AKAP13: variants seen among roughly 807,000 people sequenced by gnomAD.
AKAP13 encodes the protein A-kinase anchoring protein 13, also known as A-kinase anchor protein 13.
In AKAP13, 80 loss-of-function variants were observed where a neutral mutation model predicts 264.5. The ratio of observed to expected loss-of-function variants is 0.30; its 90% CI spans 0.25 to 0.36. AKAP13 has a LOEUF of 0.36. Ranked by LOEUF, AKAP13 falls within the 10% of genes least tolerant of loss-of-function variation. The pLI is 1.00. For synonymous variants in AKAP13, 1,380 were observed against 1,250.2 expected (o/e 1.10, Z -2.19); for missense variants, 3,712 against 3,435.2 (o/e 1.08, Z -2.01).
At chr15:85,456,270 C>T (rs1333907778) in intron 1 of AKAP13, among the ~76,000 whole-genome samples, 1 of 152,076 alleles carries the variant, frequency 6.6e-6, no homozygotes, top group East Asian at 1.9e-4. Context: ...TGGATATATA[C>T]ACTGAACATT....
intron 1 of AKAP13, among the ~76,000 whole-genome samples, chr15:85,459,440 C>T (rs1383121508): frequency 1.3e-5 from 2 of 148,178 alleles, no homozygotes; most frequent in African/African-American, 5.0e-5. Flanking sequence ...CTCAAGTGAT[C>T]TGCCCGCCTT....
intron 1 of AKAP13, among the ~76,000 whole-genome samples, chr15:85,450,577 A>G (rs1371376697): frequency 1.3e-5 from 2 of 152,146 alleles, no homozygotes; most frequent in African/African-American, 4.8e-5. Context: ...ATTATTTTCA[A>G]ATAACTTCTG....
At position 85,673,666 on chromosome 15, in the gene AKAP13, C is replaced by CTTTTTTTTTTTTTTTTTTT. The variant is rs386383664; in HGVS notation, c.5101+3844_5101+3862dup. The stretch of plus-strand genomic sequence containing the variant: ...TTACAGATGATCCCTTTCTTTCTTT[C>CTTTTTTTTTTTTTTTTTTT]TTTTTTTTTTTTTTTTTTTTTTTTT... On this transcript the variant is annotated intron_variant, in intron 14 of 36. Coordinates refer to ENST00000394518, the MANE Select transcript of AKAP13 (RefSeq NM_007200.5). 1.4e-4 allele frequency among the ~76,000 whole-genome samples: 11 copies of CTTTTTTTTTTTTTTTTTTT among 77,540 alleles called. 1 individual carries two copies. Among genetic ancestry groups the CTTTTTTTTTTTTTTTTTTT allele is most frequent in the African/African-American group, 6.2e-4 (11 of 17,820 alleles). 50.9% of individuals were successfully genotyped at this position (77,540 alleles called of 152,430 possible).
At chr15:85,602,419 T>A (rs1457572962) in intron 8 of AKAP13, among the ~76,000 whole-genome samples, 1 of 151,758 alleles carries the variant, frequency 6.6e-6, no homozygotes, top group African/African-American at 2.4e-5. Context: ...CAGGTGATCC[T>A]CCCGCCTCAG....
At chr15:85,703,083 A>G (rs72748186) in intron 17 of AKAP13, among the ~76,000 whole-genome samples, 14,244 of 152,304 alleles carry the variant, frequency 0.094, 805 homozygotes, top group East Asian at 0.2. Flanking sequence ...TACATAAAAA[A>G]TAAACAAGTA....
chr15:85,513,147 G>A (rs79941337), intron 2 of AKAP13, among the ~76,000 whole-genome samples: 2,799 of 152,212 alleles, frequency 0.018, 98 homozygotes, highest in African/African-American at 0.064. Context: ...TGATAAAAAC[G>A]TCTGTGGTGT....
chr15:85,520,568 C>T (rs937027191), intron 2 of AKAP13: 4 of 486,720 alleles, frequency 8.2e-6, no homozygotes, highest in Non-Finnish European at 4.1e-6. Context: ...GTTGCAAAGT[C>T]ATAGACAAAG....
At chr15:85,719,919 A>G (rs1445783030) in intron 23 of AKAP13, among the ~76,000 whole-genome samples, 1 of 151,266 alleles carries the variant, frequency 6.6e-6, no homozygotes, top group Non-Finnish European at 1.5e-5. Flanking sequence ...TGTCTCAAAA[A>G]AAAAAAAATT....
rs757891427 is a variant in AKAP13, at chr15:85,550,949, T to G, written c.662+6994T>G. 7.9e-5 allele frequency among the ~76,000 whole-genome samples: 12 copies of G among 152,344 alleles called. No individual in the cohort carries two copies. The Middle Eastern group carries it at 0.01, about 130-fold the overall frequency. On this transcript the variant is annotated intron_variant, in intron 5 of 36. Coordinates refer to ENST00000394518, the MANE Select transcript of AKAP13 (RefSeq NM_007200.5). ...TGTATTATGCACAGTACTACCTTGG[T>G]GCTTTACTTGCGTTTTCATTTAAAA...
chr15:85,672,516 C>T (rs191287313), intron 14 of AKAP13, among the ~76,000 whole-genome samples: 1 of 152,314 alleles, frequency 6.6e-6, no homozygotes, highest in Non-Finnish European at 1.5e-5. Flanking sequence ...GTGTTCAATT[C>T]CAAGTCACTT....
chr15:85,418,321 A>G (rs1003848917), intron 1 of AKAP13, among the ~76,000 whole-genome samples: 1 of 152,080 alleles, frequency 6.6e-6, no homozygotes, highest in African/African-American at 2.4e-5. Flanking sequence ...GCTTCAGACG[A>G]TCTTCCCATC....
chr15:85,722,678 T>C (rs1218736788), intron 25 of AKAP13, among the ~76,000 whole-genome samples: 4 of 152,160 alleles, frequency 2.6e-5, no homozygotes, highest in Non-Finnish European at 5.9e-5. Context: ...AATCAGTAAT[T>C]ACTGGTTTCT....
intron 6 of AKAP13, among the ~76,000 whole-genome samples, chr15:85,578,222 G>A (rs11635124): frequency 0.55 from 83,915 of 152,100 alleles, 23,698 homozygotes; most frequent in Middle Eastern, 0.66. Flanking sequence ...GTTCAAGGCT[G>A]CGGTGAGCTG....
intron 14 of AKAP13, among the ~76,000 whole-genome samples, chr15:85,672,568 C>T (rs1341286569): frequency 1.3e-5 from 2 of 152,178 alleles, no homozygotes; most frequent in Admixed American, 1.3e-4. Flanking sequence ...GTCTCCCTAA[C>T]TGAAATAGTG....
At chr15:85,630,463 A>G (rs2081717601) in intron 8 of AKAP13, among the ~76,000 whole-genome samples, 1 of 152,214 alleles carries the variant, frequency 6.6e-6, no homozygotes, top group African/African-American at 2.4e-5. Flanking sequence ...TCTACTATGC[A>G]AGATGCTATG....
chr15:85,526,010 C>T (rs2077027537), intron 3 of AKAP13, among the ~76,000 whole-genome samples: 1 of 152,156 alleles, frequency 6.6e-6, no homozygotes, highest in Admixed American at 6.5e-5. Flanking sequence ...TTTTAGAATT[C>T]ACAGCAAGAG....
At chr15:85,634,446 GA>G (rs1596817699) in intron 8 of AKAP13, among the ~76,000 whole-genome samples, 1 of 152,204 alleles carries the variant, frequency 6.6e-6, no homozygotes, top group East Asian at 1.9e-4. Context: ...ATATTATTTA[GA>G]ATTACATCTA....
intron 13 of AKAP13, among the ~76,000 whole-genome samples, chr15:85,666,598 G>T (rs998478633): frequency 6.6e-6 from 1 of 151,982 alleles, no homozygotes; most frequent in African/African-American, 2.4e-5. Context: ...GCCCATACTG[G>T]AGTGCAGTGG....
chr15:85,524,334 C>G (rs971717867), intron 3 of AKAP13, among the ~76,000 whole-genome samples: 2 of 151,924 alleles, frequency 1.3e-5, no homozygotes. Context: ...TACCACCACA[C>G]TTGGCTAAAT....
Sources: gnomAD v4.1 joint callset for allele counts (sites outside exome capture counted in the v4.1 genomes callset) on GRCh38, gnomAD v4.1.1 for gene constraint, MANE v1.5 for transcripts, NCBI Gene and HGNC (gene_info 2026-07-23, HGNC 2026-07-21) for gene names.